The following LRRTM4 variants were observed in gnomAD, a reference collection of about 807,000 sequenced individuals.
LRRTM4 encodes the protein leucine-rich repeat transmembrane neuronal protein 4.
LRRTM4 carries 25 observed loss-of-function variants against 47.6 expected under a neutral mutation model. The observed-to-expected ratio is 0.53, with a 90% CI of 0.38 to 0.73. The LOEUF is 0.73. Among genes scored for constraint, LRRTM4 ranks in the 30% least tolerant of loss-of-function variants. The probability of loss-of-function intolerance (pLI) is 0.00; values close to 1 mark genes in which losing one functional copy is unlikely to be tolerated. For synonymous variants in LRRTM4, 311 were observed against 269.5 expected, an observed-to-expected ratio of 1.15 and a Z score of -1.51; for missense variants, 638 against 713.4, an observed-to-expected ratio of 0.89 and a Z score of 1.20.
intron 3 of LRRTM4, among the ~76,000 whole-genome samples, chr2:77,183,571 C>A (rs1176014792): frequency 6.6e-6 from 1 of 152,090 alleles, no homozygotes; most frequent in African/African-American, 2.4e-5. Flanking sequence ...CCCAGCCATC[C>A]CATTACTGGG....
chr2:76,998,227 A>C (rs1017742373), intron 3 of LRRTM4, among the ~76,000 whole-genome samples: 4 of 152,202 alleles, frequency 2.6e-5, no homozygotes, highest in Non-Finnish European at 5.9e-5. Context: ...TCTATGGAGT[A>C]TCTGTTATAT....
chr2:77,382,707 T>G (rs1360851918), intron 3 of LRRTM4, among the ~76,000 whole-genome samples: 1 of 152,132 alleles, frequency 6.6e-6, no homozygotes, highest in Admixed American at 6.6e-5. Context: ...AAATCATGCC[T>G]CTGCTGAATT....
At chr2:77,306,088 C>T (rs1348591076) in intron 3 of LRRTM4, among the ~76,000 whole-genome samples, 1 of 151,930 alleles carries the variant, frequency 6.6e-6, no homozygotes, top group Non-Finnish European at 1.5e-5. Flanking sequence ...GAATCCAATC[C>T]CAGATGTTTG....
At chr2:76,784,923 A>C (rs1674591713) in intron 3 of LRRTM4, among the ~76,000 whole-genome samples, 1 of 152,158 alleles carries the variant, frequency 6.6e-6, no homozygotes, top group Non-Finnish European at 1.5e-5. Context: ...CAGTTCGAAT[A>C]GAGATTCACA....
intron 3 of LRRTM4, among the ~76,000 whole-genome samples, chr2:76,845,622 C>A (rs1671816473): frequency 6.6e-6 from 1 of 152,100 alleles, no homozygotes; most frequent in South Asian, 2.1e-4. Context: ...AAAATATATT[C>A]TTCTGTATTA....
intron 3 of LRRTM4, among the ~76,000 whole-genome samples, chr2:77,241,291 C>T (rs902028890): frequency 7.3e-5 from 11 of 151,444 alleles, no homozygotes; most frequent in African/African-American, 2.2e-4. Flanking sequence ...ATTGGTTTGA[C>T]GATCGCACAA....
intron 3 of LRRTM4, among the ~76,000 whole-genome samples, chr2:76,855,145 A>G (rs1026379030): frequency 6.6e-6 from 1 of 152,360 alleles, no homozygotes; most frequent in Admixed American, 6.5e-5. Flanking sequence ...GTTGCTCAGG[A>G]GCCTGCTTGC....
At chr2:76,789,962 C>T (rs919130319) in intron 3 of LRRTM4, among the ~76,000 whole-genome samples, 1 of 152,080 alleles carries the variant, frequency 6.6e-6, no homozygotes, top group Non-Finnish European at 1.5e-5. Context: ...CAACGGGTTG[C>T]TTGTTTGGAT....
At chr2:76,974,205 TATATACAC>T (rs1558771671) in intron 3 of LRRTM4, among the ~76,000 whole-genome samples, 2 of 84,116 alleles carry the variant, frequency 2.4e-5, no homozygotes, top group African/African-American at 6.8e-5. Flanking sequence ...TACATATATA[TATATACAC>T]ATATATATAC....
intron 3 of LRRTM4, among the ~76,000 whole-genome samples, chr2:76,891,407 T>G (rs1208832718): frequency 6.6e-6 from 1 of 151,670 alleles, no homozygotes; most frequent in Admixed American, 6.6e-5. Context: ...AGGAAAAAAT[T>G]AAGTATTTTA....
intron 3 of LRRTM4, among the ~76,000 whole-genome samples, chr2:77,275,535 C>T (rs1239761418): frequency 6.6e-6 from 1 of 152,064 alleles, no homozygotes; most frequent in Non-Finnish European, 1.5e-5. Context: ...AATAAAATTA[C>T]GAGCATACAA....
chr2:76,967,045 G>A (rs1424113578), intron 3 of LRRTM4, among the ~76,000 whole-genome samples: 1 of 151,136 alleles, frequency 6.6e-6, no homozygotes, highest in African/African-American at 2.4e-5. Flanking sequence ...ACTTAATCAG[G>A]CTCCTAAGTC....
At chr2:76,777,969 AG>A (rs1219415253) in intron 3 of LRRTM4, among the ~76,000 whole-genome samples, 1 of 147,510 alleles carries the variant, frequency 6.8e-6, no homozygotes, top group South Asian at 2.2e-4. Flanking sequence ...TTTAGCATGA[AG>A]GGTTGTTGAA....
rs57122011 is a variant in LRRTM4, at chr2:77,481,880, C to CT, written c.1551+36437dup. 6.2e-5 allele frequency among the ~76,000 whole-genome samples: 9 copies of CT among 144,250 alleles called. No individual in the cohort carries two copies. The East Asian group carries it at 8.5e-4, about 14-fold the overall frequency. 94.6% of individuals were successfully genotyped at this position (144,250 alleles called of 152,430 possible). On this transcript the variant is annotated intron_variant, in intron 3 of 3. Coordinates refer to ENST00000409884, the MANE Select transcript of LRRTM4 (RefSeq NM_001134745.3). ...AAGAGAGTGAAGGGTTTTTTTTTTTCTTTTTTTTTTTTTAAAACTTCTAGT... is the reference window on the plus strand; with the variant it reads ...AAGAGAGTGAAGGGTTTTTTTTTTTCTTTTTTTTTTTTTTAAAACTTCTAGT...
chr2:77,445,093 A>G (rs924939868), intron 3 of LRRTM4, among the ~76,000 whole-genome samples: 9 of 151,934 alleles, frequency 5.9e-5, no homozygotes, highest in African/African-American at 2.2e-4. Flanking sequence ...GGTCTCAAGC[A>G]TCTTCTATAA....
chr2:77,055,612 C>T (rs1679577051), intron 3 of LRRTM4, among the ~76,000 whole-genome samples: 2 of 152,110 alleles, frequency 1.3e-5, no homozygotes, highest in Non-Finnish European at 1.5e-5. Context: ...CTAGTTCGAC[C>T]ATTGTGGAAG....
chr2:77,085,979 G>A (rs746661277), intron 3 of LRRTM4, among the ~76,000 whole-genome samples: 4 of 152,204 alleles, frequency 2.6e-5, no homozygotes, highest in South Asian at 2.1e-4. Context: ...GGACTGAAAC[G>A]CAGTATCAGT....
intron 3 of LRRTM4, among the ~76,000 whole-genome samples, chr2:77,377,712 T>C (rs1415239864): frequency 2.0e-5 from 3 of 152,172 alleles, no homozygotes; most frequent in South Asian, 4.1e-4. Flanking sequence ...AAAATCCTTT[T>C]CTGAATCTCT....
chr2:76,750,431 A>G (rs1558631409), intron 3 of LRRTM4, among the ~76,000 whole-genome samples: 1 of 152,206 alleles, frequency 6.6e-6, no homozygotes, highest in East Asian at 1.9e-4. Context: ...CCACAGCAAT[A>G]TCTTAGCCTT....
Sources: allele counts gnomAD v4.1 joint callset (sites outside exome capture counted in the v4.1 genomes callset), GRCh38; gene constraint gnomAD v4.1.1; transcripts MANE v1.5; gene names NCBI Gene and HGNC (gene_info 2026-07-23, HGNC 2026-07-21).